Variants in DAAM2 observed in about 807,000 individuals in gnomAD.
DAAM2 encodes dishevelled associated activator of morphogenesis 2.
A neutral mutation model predicts 120.7 loss-of-function variants in DAAM2; 39 were observed. The observed-to-expected ratio is 0.32, with a 90% CI of 0.25 to 0.42. The LOEUF (loss-of-function observed/expected upper bound fraction) is 0.42, where lower values mean the gene tolerates loss of function less well. Among genes scored for constraint, DAAM2 ranks in the 10% least tolerant of loss-of-function variants. The probability of loss-of-function intolerance (pLI) is 1.00; values close to 1 mark genes in which losing one functional copy is unlikely to be tolerated. For synonymous variants in DAAM2, 488 were observed against 524.9 expected (o/e 0.93, Z 0.96); for missense variants, 1,283 against 1,401.7 (o/e 0.92, Z 1.35).
chr6:39,814,934 A>T (rs1251898358), intron 1 of DAAM2, among the ~76,000 whole-genome samples: 1 of 152,198 alleles, frequency 6.6e-6, no homozygotes, highest in East Asian at 1.9e-4. Flanking sequence ...TCAGTCATTG[A>T]TATTGTGACC....
At chr6:39,864,891 C>G in intron 4 of DAAM2, 89 bp from the exon 5 acceptor site, 1 of 1,500,888 alleles carries the variant, frequency 6.7e-7, no homozygotes, top group Non-Finnish European at 9.1e-7. Context: ...CTCACCCTTT[C>G]TGAGGCAAGC....
chr6:39,793,296 G>A (rs1275274027), intron 1 of DAAM2, among the ~76,000 whole-genome samples: 1 of 151,612 alleles, frequency 6.6e-6, no homozygotes, highest in Non-Finnish European at 1.5e-5. Flanking sequence ...CAGGAGTGCC[G>A]CGTGTGGTGC....
chr6:39,858,620 T>C (rs1764097652), intron 2 of DAAM2, among the ~76,000 whole-genome samples: 2 of 152,164 alleles, frequency 1.3e-5, no homozygotes, highest in South Asian at 4.1e-4. Context: ...ATCTGTAAAA[T>C]GAGTTGTTAT....
At chr6:39,855,148 G>C (rs1763949349) in intron 1 of DAAM2, among the ~76,000 whole-genome samples, 1 of 152,194 alleles carries the variant, frequency 6.6e-6, no homozygotes, top group South Asian at 2.1e-4. Context: ...AATCTTGGCT[G>C]GGTAGCAGTT....
At chr6:39,818,258 C>T (rs550344914) in intron 1 of DAAM2, among the ~76,000 whole-genome samples, 2 of 151,154 alleles carry the variant, frequency 1.3e-5, no homozygotes, top group Non-Finnish European at 1.5e-5. Flanking sequence ...GTCCCATGGC[C>T]AACTTGACAC....
At chr6:39,854,970 T>A (rs1172391633) in intron 1 of DAAM2, among the ~76,000 whole-genome samples, 1 of 152,240 alleles carries the variant, frequency 6.6e-6, no homozygotes, top group Admixed American at 6.5e-5. Context: ...ATGTGCGTGA[T>A]GACCACAGAG....
At chr6:39,804,025 C>T (rs1258601450) in intron 1 of DAAM2, among the ~76,000 whole-genome samples, 1 of 152,200 alleles carries the variant, frequency 6.6e-6, no homozygotes, top group Non-Finnish European at 1.5e-5. Context: ...CTCTGGAAGT[C>T]TGTGTGGGCA....
Position 39,864,428 on chromosome 6 carries a change from T to C in DAAM2, c.259-5T>C. 6.2e-7 allele frequency: 1 copy of C among 1,612,444 alleles called. No homozygotes were observed. ...TGGTCCATGCTGTCCTTTTTCTTGT[T>C]TCAGGAGCAGGAGGACCCCAACAAG... On this transcript the variant is annotated splice_polypyrimidine_tract_variant and splice_region_variant and intron_variant, in intron 3 of 24. Transcript: ENST00000274867.
chr6:39,806,080 A>G (rs973519138), intron 1 of DAAM2, among the ~76,000 whole-genome samples: 2 of 152,196 alleles, frequency 1.3e-5, no homozygotes, highest in South Asian at 2.1e-4. Context: ...AGCCAGAGAC[A>G]GGGGACATAT....
intron 15 of DAAM2, chr6:39,887,241 A>T (rs913129466): frequency 2.4e-6 from 1 of 411,834 alleles, no homozygotes; most frequent in Non-Finnish European, 4.4e-6. Context: ...CTAAAAAAAT[A>T]AAAAAAATAG....
intron 16 of DAAM2, chr6:39,888,451 G>C (rs1227312924): frequency 2.5e-6 from 1 of 396,362 alleles, no homozygotes; most frequent in Non-Finnish European, 4.8e-6. Flanking sequence ...GGATTATCAA[G>C]AGAACAGAGA....
At chr6:39,871,669 G>A in intron 9 of DAAM2, 97 bp downstream of exon 9, 2 of 1,145,240 alleles carry the variant, frequency 1.7e-6, no homozygotes, top group Non-Finnish European at 2.5e-6. Context: ...GGCAGGGCTG[G>A]TGTGGGCTGG....
In DAAM2 at chr6:39,879,196, C is replaced by T. The variant is rs909026840; in HGVS notation, c.1564C>T (p.Pro522Ser). Residue 522 changes from proline to serine, a missense_variant, in exon 14 of 25, where the codon CCA (proline) becomes TCA (serine). Pro to Ser is a moderately conservative substitution (Grantham distance 74). Coordinates refer to ENST00000274867, the MANE Select transcript of DAAM2 (RefSeq NM_001201427.2). ...CTCACAGACAGGCCCTGTATCTTCCCCACCACCCCCTGGGGGCCCACTCAC... is the reference window on the plus strand; with the variant it reads ...CTCACAGACAGGCCCTGTATCTTCCTCACCACCCCCTGGGGGCCCACTCAC... The part of the protein sequence containing the change: ...SELSTGPVSS[P>S]PPPGGPLTLS... 2.5e-5 allele frequency: 39 copies of T among 1,548,910 alleles called. No individual in the cohort carries two copies. In the Middle Eastern group the frequency reaches 8.3e-4, roughly 33 times the overall value.
In DAAM2 at chr6:39,867,695, C is replaced by T. The variant is rs1308471961; in HGVS notation, c.614C>T (p.Ala205Val). Residue 205 changes from alanine (A) to valine (V), a missense_variant, in exon 6 of 25, where the codon GCC becomes GTC. Around this residue, in one of 3 missense-constraint regions of DAAM2, gnomAD observed 338 missense variants for 443.9 expected, o/e 0.76. Coordinates refer to ENST00000274867, the MANE Select transcript of DAAM2 (RefSeq NM_001201427.2). ...CAGCCTGAGGCCATTAGTACCATAG[C>T]CCAGAGCCTACGCACAGAGAACAGC... Reference protein sequence around the residue: ...LAQPEAISTIAQSLRTENSKT... With the variant: ...LAQPEAISTIVQSLRTENSKT... 2.5e-6 allele frequency: 4 copies of T among 1,614,044 alleles called. No individual in the cohort carries two copies. The highest frequency in any genetic ancestry group is 1.7e-6 in the Non-Finnish European group (2 of 1,179,906).
intron 1 of DAAM2, among the ~76,000 whole-genome samples, chr6:39,805,574 A>T (rs1162390461): frequency 1.9e-4 from 27 of 140,738 alleles, no homozygotes; most frequent in African/African-American, 5.9e-4. Flanking sequence ...TTTTTTTTTG[A>T]GACAGAGTCT....
Position 39,864,995 on chromosome 6 carries a change from G to A in DAAM2, c.349G>A (p.Ala117Thr), listed in dbSNP as rs747735397. The A allele has an allele frequency of 5.0e-6, 8 of 1,605,220 alleles. No homozygotes were observed. Among genetic ancestry groups the A allele is most frequent in the Admixed American group, 1.7e-5 (1 of 58,894 alleles). The part of the protein sequence containing the change: ...NSMAAMQSLY[A>T]FDEEETEMRN... ...TGGCCCTCAGATGCAGAGTCTGTAC[G>A]CGTTTGATGAGGAGGAGACGGAGAT... The change falls in exon 5 of 25, where the codon GCG (alanine) becomes ACG (threonine). Residue 117 changes from alanine (A) to threonine (T), a missense_variant. By Grantham distance (58) the Ala-to-Thr change is moderately conservative (BLOSUM62 0). Around this residue, in one of 3 missense-constraint regions of DAAM2, gnomAD observed 197 missense variants for 189.3 expected, o/e 1.04. Coordinates refer to ENST00000274867, the MANE Select transcript of DAAM2 (RefSeq NM_001201427.2).
At chr6:39,835,481 C>G (rs571585765) in intron 1 of DAAM2, among the ~76,000 whole-genome samples, 18 of 152,312 alleles carry the variant, frequency 1.2e-4, no homozygotes, top group Admixed American at 2.6e-4. Context: ...GCTCCCAACT[C>G]TGGACTCCAA....
At chr6:39,832,795 G>C (rs1762963461) in intron 1 of DAAM2, among the ~76,000 whole-genome samples, 1 of 152,160 alleles carries the variant, frequency 6.6e-6, no homozygotes, top group Non-Finnish European at 1.5e-5. Context: ...TCTCTCTGCT[G>C]CTTGGGCCTC....
rs753722795 is a variant in DAAM2 at position 39,900,244 on chromosome 6, A to G, written c.2811+36A>G. The G allele has an allele frequency of 1.4e-5, 22 of 1,600,586 alleles. No homozygotes were observed. In the Admixed American group the frequency reaches 3.5e-4, roughly 26 times the overall value. ...CCCAACCCCCACTGCTTGCCAACCCAGCCTTATCTAAACAAGCTCCTTCAC... is the reference window on the plus strand; with the variant it reads ...CCCAACCCCCACTGCTTGCCAACCCGGCCTTATCTAAACAAGCTCCTTCAC... On this transcript the variant is annotated intron_variant, in intron 23 of 24. Transcript: ENST00000274867.
Sources: allele counts gnomAD v4.1 joint callset (sites outside exome capture counted in the v4.1 genomes callset), GRCh38; gene constraint gnomAD v4.1.1; regional missense constraint gnomAD v4.1.1; transcripts MANE v1.5; gene names NCBI Gene and HGNC (gene_info 2026-07-23, HGNC 2026-07-21).